The following RNF217 variants were observed in gnomAD, a reference collection of about 807,000 sequenced individuals.
RNF217 encodes the protein ring finger protein 217, also known as E3 ubiquitin-protein ligase RNF217.
In RNF217, 31 loss-of-function variants were observed where a neutral mutation model predicts 57.8. The ratio of observed to expected loss-of-function variants is 0.54; its 90% CI spans 0.40 to 0.72. The LOEUF (loss-of-function observed/expected upper bound fraction) is 0.72. RNF217 is among the 30% of genes least tolerant of loss of function. RNF217 has a pLI of 0.00. For synonymous variants in RNF217, 313 were observed against 294.0 expected, an observed-to-expected ratio of 1.06 and a Z score of -0.66; for missense variants, 696 against 708.3, an observed-to-expected ratio of 0.98 and a Z score of 0.20.
In RNF217 at chr6:125,017,103, C is replaced by T. The variant is rs531106650; in HGVS notation, c.883-28108C>T. Among the ~76,000 whole-genome samples, 4 of 152,164 alleles carry T rather than the reference C, an allele frequency of 2.6e-5. No homozygotes were observed. In the East Asian group the frequency reaches 7.7e-4, roughly 29 times the overall value. On this transcript the variant is annotated intron_variant, in intron 1 of 5. Transcript: ENST00000521654. The stretch of plus-strand genomic sequence containing the variant: ...CTGCAGTAAATCGTAGCTGTGAGTA[C>T]AACTTAAAATTTTTAAAAAGACATG...
intron 1 of RNF217, among the ~76,000 whole-genome samples, chr6:125,005,376 T>G (rs184457862): frequency 6.6e-6 from 1 of 152,190 alleles, no homozygotes. Context: ...ACTCTGCAAC[T>G]TAAAGACAAA....
chr6:124,993,576 A>C (rs143108274), intron 1 of RNF217, among the ~76,000 whole-genome samples: 110 of 152,292 alleles, frequency 7.2e-4, no homozygotes, highest in African/African-American at 2.6e-3. Flanking sequence ...GGTGAACCTG[A>C]CATGTTTTTA....
At position 125,061,629 on chromosome 6, in the gene RNF217, GT is replaced by G. The variant is rs1189068347; in HGVS notation, c.1281+3532del. ...CTTTTTATTTGAGTGGTAGGTTTTCGTTTTTTTTTAAATTAATTGATTTGCA... is the reference window on the plus strand; with the variant it reads ...CTTTTTATTTGAGTGGTAGGTTTTCGTTTTTTTTAAATTAATTGATTTGCA... On this transcript the variant is annotated intron_variant, in intron 3 of 5. Coordinates refer to ENST00000521654, the MANE Select transcript of RNF217 (RefSeq NM_001286398.3). Among the ~76,000 whole-genome samples, 7 of 145,688 alleles carry G rather than the reference GT, an allele frequency of 4.8e-5. No individual in the cohort carries two copies. The South Asian group carries it at 8.9e-4, about 19-fold the overall frequency.
chr6:125,014,458 T>C (rs1411581482), intron 1 of RNF217, among the ~76,000 whole-genome samples: 2 of 152,212 alleles, frequency 1.3e-5, no homozygotes, highest in African/African-American at 4.8e-5. Flanking sequence ...TCTTATTTAA[T>C]GTTATCATTA....
intron 1 of RNF217, among the ~76,000 whole-genome samples, chr6:124,968,648 T>C (rs1269614839): frequency 6.6e-6 from 1 of 152,222 alleles, no homozygotes; most frequent in Non-Finnish European, 1.5e-5. Flanking sequence ...TGAGTTCCAC[T>C]GCCTAAAATA....
chr6:125,017,543 G>A (rs1306314802), intron 1 of RNF217, among the ~76,000 whole-genome samples: 1 of 152,128 alleles, frequency 6.6e-6, no homozygotes. Context: ...AACCTATCTT[G>A]GGGAAAGAAG....
intron 1 of RNF217, among the ~76,000 whole-genome samples, chr6:125,035,387 G>A (rs954712046): frequency 5.3e-5 from 8 of 152,066 alleles, no homozygotes; most frequent in Non-Finnish European, 1.0e-4. Flanking sequence ...AAGAGAGTGG[G>A]GGCCAATATT....
intron 1 of RNF217, among the ~76,000 whole-genome samples, chr6:124,993,567 G>A (rs1008909193): frequency 6.6e-6 from 1 of 152,130 alleles, no homozygotes. Flanking sequence ...CAGTGCAAAG[G>A]TGAACCTGAC....
chr6:125,061,437 G>C (rs1787729000), intron 3 of RNF217, among the ~76,000 whole-genome samples: 1 of 151,440 alleles, frequency 6.6e-6, no homozygotes, highest in South Asian at 2.1e-4. Context: ...GTATTTTTGA[G>C]TTTGTAATGC....
At chr6:124,967,400 T>C (rs1783586494) in intron 1 of RNF217, among the ~76,000 whole-genome samples, 1 of 152,198 alleles carries the variant, frequency 6.6e-6, no homozygotes, top group East Asian at 1.9e-4. Context: ...TATGATTTGG[T>C]TTAGACAGAA....
intron 2 of RNF217, among the ~76,000 whole-genome samples, chr6:125,051,620 A>G (rs1322564418): frequency 6.6e-6 from 1 of 152,044 alleles, no homozygotes; most frequent in Non-Finnish European, 1.5e-5. Flanking sequence ...TTCCATTTTC[A>G]AAAACCTCAG....
At chr6:125,055,690 A>T (rs1265581280) in intron 2 of RNF217, among the ~76,000 whole-genome samples, 1 of 152,204 alleles carries the variant, frequency 6.6e-6, no homozygotes, top group Non-Finnish European at 1.5e-5. Context: ...AATAGAAGAT[A>T]ACCGAATTAA....
At chr6:125,068,065 A>G (rs4464821) in intron 3 of RNF217, among the ~76,000 whole-genome samples, 29,035 of 152,096 alleles carry the variant, frequency 0.19, 4,027 homozygotes, top group African/African-American at 0.39. Context: ...GATAATATTC[A>G]TGTGTTTTTT....
intron 1 of RNF217, among the ~76,000 whole-genome samples, chr6:125,035,630 A>C (rs1167475376): frequency 6.6e-6 from 1 of 152,210 alleles, no homozygotes; most frequent in East Asian, 1.9e-4. Flanking sequence ...TCTCTTAAAA[A>C]TATTAATTGG....
chr6:125,068,399 C>G (rs1788015075), intron 3 of RNF217, among the ~76,000 whole-genome samples: 1 of 152,180 alleles, frequency 6.6e-6, no homozygotes. Flanking sequence ...ATGTCATTTT[C>G]TTAGAGAAAC....
intron 1 of RNF217, among the ~76,000 whole-genome samples, chr6:125,043,237 G>T (rs1176374912): frequency 6.6e-6 from 1 of 151,990 alleles, no homozygotes; most frequent in Admixed American, 6.6e-5. Flanking sequence ...GATCCAATTG[G>T]GGTATGCTAG....
At chr6:124,995,589 T>A (rs1414922593) in intron 1 of RNF217, among the ~76,000 whole-genome samples, 1 of 152,196 alleles carries the variant, frequency 6.6e-6, no homozygotes, top group East Asian at 1.9e-4. Flanking sequence ...GAGTTTGTTG[T>A]ATGAATATAA....
intron 1 of RNF217, among the ~76,000 whole-genome samples, chr6:125,020,558 TG>T (rs1324598912): frequency 1.3e-5 from 2 of 152,120 alleles, no homozygotes; most frequent in Non-Finnish European, 2.9e-5. Flanking sequence ...ATCTGGTTGT[TG>T]TTGCCTTTTT....
chr6:124,980,815 C>T lies in RNF217; in HGVS notation c.882+17389C>T, dbSNP rs1259736629. Among the ~76,000 whole-genome samples the T allele has an allele frequency of 2.0e-5, 3 of 152,086 alleles. No individual in the cohort carries two copies. In the East Asian group the frequency reaches 5.8e-4, roughly 29 times the overall value. ...TAATTTCATAGAGTCCTGAAATTTC[C>T]CTCTAATTACACTCTATATTGATCA... On this transcript the variant is annotated intron_variant, in intron 1 of 5. Transcript: ENST00000521654.
Sources: allele counts gnomAD v4.1 joint callset (sites outside exome capture counted in the v4.1 genomes callset), GRCh38; gene constraint gnomAD v4.1.1; transcripts MANE v1.5; gene names NCBI Gene and HGNC (gene_info 2026-07-23, HGNC 2026-07-21).